TNRC6B: variants seen among roughly 807,000 people sequenced by gnomAD.
TNRC6B encodes trinucleotide repeat-containing gene 6B protein.
TNRC6B carries 52 observed loss-of-function variants against 203.6 expected under a neutral mutation model. The observed-to-expected ratio is 0.26, with a 90% CI of 0.20 to 0.32. TNRC6B has a LOEUF of 0.32. TNRC6B is among the 10% of genes least tolerant of loss of function. The pLI is 1.00. For missense variants in TNRC6B, 1,923 were observed against 2,286.2 expected (o/e 0.84, Z 3.24); for synonymous variants, 838 against 845.7 (o/e 0.99, Z 0.16).
At chr22:40,086,493 T>C (rs1385326292) in intron 1 of TNRC6B, among the ~76,000 whole-genome samples, 1 of 152,236 alleles carries the variant, frequency 6.6e-6, no homozygotes, top group African/African-American at 2.4e-5. Flanking sequence ...CCTTTTGGTA[T>C]GATGATATGT....
chr22:40,234,726 T>C (rs981943157), intron 1 of TNRC6B, among the ~76,000 whole-genome samples: 3 of 152,218 alleles, frequency 2.0e-5, no homozygotes, highest in Admixed American at 6.5e-5. Flanking sequence ...TGCATTTACC[T>C]TAATCTTTCT....
intron 1 of TNRC6B, among the ~76,000 whole-genome samples, chr22:40,204,370 T>C (rs552949114): frequency 6.6e-6 from 1 of 152,222 alleles, no homozygotes; most frequent in African/African-American, 2.4e-5. Flanking sequence ...TTTTTTGCCT[T>C]TGTTGGGATG....
intron 21 of TNRC6B, among the ~76,000 whole-genome samples, chr22:40,319,187 T>C (rs1355730264): frequency 1.3e-5 from 2 of 151,764 alleles, no homozygotes; most frequent in Admixed American, 1.3e-4. Context: ...CTAATCTCTA[T>C]CATAGCTTAA....
At chr22:40,063,945 C>T (rs934911836) in intron 1 of TNRC6B, among the ~76,000 whole-genome samples, 19 of 152,164 alleles carry the variant, frequency 1.2e-4, no homozygotes, top group Admixed American at 9.8e-4. Context: ...TCGAGTGATC[C>T]TCCCGCCTCA....
At chr22:40,127,332 C>A (rs981609574) in intron 3 of TNRC6B, among the ~76,000 whole-genome samples, 2 of 152,126 alleles carry the variant, frequency 1.3e-5, no homozygotes, top group Admixed American at 6.6e-5. Context: ...TTTCCCATAT[C>A]ACCAGATTTC....
chr22:40,174,419 G>A (rs1283440364), upstream of TNRC6B, among the ~76,000 whole-genome samples: 5 of 151,978 alleles, frequency 3.3e-5, no homozygotes, highest in Non-Finnish European at 5.9e-5. Flanking sequence ...GGCCTCAAGT[G>A]ATCCACCCAC....
chr22:40,134,284 A>G (rs1406247127), intron 3 of TNRC6B, among the ~76,000 whole-genome samples: 1 of 152,226 alleles, frequency 6.6e-6, no homozygotes, highest in Non-Finnish European at 1.5e-5. Context: ...CGATGTGAGG[A>G]AATGGCACTT....
At chr22:40,281,499 T>TG (rs2070720837) in intron 11 of TNRC6B, among the ~76,000 whole-genome samples, 1 of 152,108 alleles carries the variant, frequency 6.6e-6, no homozygotes, top group Non-Finnish European at 1.5e-5. Context: ...ACCTGTATTT[T>TG]TTTTTTTGTC....
In TNRC6B at chr22:40,335,463, C is replaced by A. The variant is rs1457833828; in HGVS notation, c.*12222C>A. 1.4e-5 allele frequency: 2 copies of A among 145,108 alleles called. No individual in the cohort carries two copies. The highest frequency in any genetic ancestry group is 2.6e-5 in the African/African-American group (1 of 38,906). 9.0% of individuals were successfully genotyped at this position (145,108 alleles called of 1,614,324 possible). ...TTTTGCCATAGCAGGTACTGTATTTCTCATGCTGGATTTCAAAAAAAAAAA... is the reference window on the plus strand; with the variant it reads ...TTTTGCCATAGCAGGTACTGTATTTATCATGCTGGATTTCAAAAAAAAAAA... On this transcript the variant is annotated 3_prime_UTR_variant, in exon 23 of 23. Coordinates refer to ENST00000454349, the MANE Select transcript of TNRC6B (RefSeq NM_001162501.2).
intron 1 of TNRC6B, among the ~76,000 whole-genome samples, chr22:40,111,649 C>T (rs1012423237): frequency 6.6e-6 from 1 of 152,166 alleles, no homozygotes; most frequent in African/African-American, 2.4e-5. Context: ...CAGAAGAACA[C>T]GCTTTGGGGG....
intron 1 of TNRC6B, among the ~76,000 whole-genome samples, chr22:40,110,230 T>G (rs2068320900): frequency 6.6e-6 from 1 of 152,230 alleles, no homozygotes; most frequent in Non-Finnish European, 1.5e-5. Context: ...TTGTGATTTA[T>G]GAATATAATA....
At chr22:40,090,554 G>A in intron 1 of TNRC6B, among the ~76,000 whole-genome samples, 2 of 151,932 alleles carry the variant, frequency 1.3e-5, no homozygotes, top group East Asian at 3.9e-4. Context: ...TTATTGCTGA[G>A]TTTTAAGAAT....
At chr22:40,282,076 TTC>T (rs1465669098) in intron 11 of TNRC6B, among the ~76,000 whole-genome samples, 1 of 152,260 alleles carries the variant, frequency 6.6e-6, no homozygotes, top group Admixed American at 6.5e-5. Flanking sequence ...ATAGCCATAC[TTC>T]TGTGACCACT....
intron 3 of TNRC6B, among the ~76,000 whole-genome samples, chr22:40,153,488 A>G (rs969890540): frequency 1.3e-5 from 2 of 152,234 alleles, no homozygotes; most frequent in African/African-American, 4.8e-5. Context: ...GAGGAGATTT[A>G]CAGTTCTGTT....
At chr22:40,091,976 A>T (rs1417419833) in intron 1 of TNRC6B, among the ~76,000 whole-genome samples, 4 of 152,220 alleles carry the variant, frequency 2.6e-5, no homozygotes, top group Non-Finnish European at 2.9e-5. Flanking sequence ...AAATCTTCTC[A>T]GGAGAAAAAT....
chr22:40,318,094 G>A (rs1305291777), intron 21 of TNRC6B, among the ~76,000 whole-genome samples: 2 of 152,126 alleles, frequency 1.3e-5, no homozygotes, highest in Non-Finnish European at 2.9e-5. Context: ...TCTCTGTGGG[G>A]AAATACATCT....
intron 12 of TNRC6B, among the ~76,000 whole-genome samples, chr22:40,293,682 G>C (rs2070899416): frequency 6.6e-6 from 1 of 152,040 alleles, no homozygotes; most frequent in African/African-American, 2.4e-5. Flanking sequence ...TGTCTCCCAT[G>C]CTTGCTCCTT....
intron 21 of TNRC6B, among the ~76,000 whole-genome samples, 183 bp downstream of exon 21, chr22:40,316,195 A>G (rs1349859772): frequency 6.6e-6 from 1 of 151,908 alleles, no homozygotes; most frequent in Non-Finnish European, 1.5e-5. Context: ...TCTACTAAAA[A>G]TACAAAAAAT....
chr22:40,170,290 A>AAT (rs1555886774), intron 4 of TNRC6B, among the ~76,000 whole-genome samples: 7 of 125,668 alleles, frequency 5.6e-5, no homozygotes, highest in African/African-American at 9.1e-5. Context: ...GGGGGAAAAA[A>AAT]ATATATATAT....
Sources: gnomAD v4.1 joint callset for allele counts (sites outside exome capture counted in the v4.1 genomes callset) on GRCh38, gnomAD v4.1.1 for gene constraint, MANE v1.5 for transcripts, NCBI Gene and HGNC (gene_info 2026-07-23, HGNC 2026-07-21) for gene names.